FAT4: variants seen among roughly 807,000 people sequenced by gnomAD.
FAT4 encodes FAT atypical cadherin 4, also known as protocadherin Fat 4.
Under a neutral mutation model 303.9 loss-of-function variants are expected in FAT4, and 84 were observed. That is an observed-to-expected ratio of 0.28 (90% CI 0.23 to 0.33). The LOEUF (loss-of-function observed/expected upper bound fraction) is 0.33. Ranked by LOEUF, FAT4 falls within the 10% of genes least tolerant of loss-of-function variation. The pLI, the probability that FAT4 is intolerant of heterozygous loss-of-function variation, is 1.00. For synonymous variants in FAT4, 2,307 were observed against 2,298.8 expected (o/e 1.00, Z -0.10); for missense variants, 6,005 against 6,146.8 (o/e 0.98, Z 0.77).
At chr4:125,335,141 C>CCCTTCACTGACTTTT (rs1164782638) in intron 2 of FAT4, among the ~76,000 whole-genome samples, 1 of 152,038 alleles carries the variant, frequency 6.6e-6, no homozygotes, top group East Asian at 1.9e-4. Context: ...TAGAAGCTTG[C>CCCTTCACTGACTTTT]CAAAAACATG....
chr4:125,322,870 T>G (rs1731010462), intron 2 of FAT4, among the ~76,000 whole-genome samples: 2 of 152,064 alleles, frequency 1.3e-5, no homozygotes. Context: ...CAATTTTATC[T>G]TTACCTACAT....
chr4:125,489,080 T>C (rs1177356068), intron 17 of FAT4, among the ~76,000 whole-genome samples: 1 of 152,220 alleles, frequency 6.6e-6, no homozygotes, highest in African/African-American at 2.4e-5. Context: ...GACTAATAGA[T>C]TTAAGGCATA....
At chr4:125,357,741 T>C (rs1397569292) in intron 2 of FAT4, among the ~76,000 whole-genome samples, 1 of 152,124 alleles carries the variant, frequency 6.6e-6, no homozygotes, top group Non-Finnish European at 1.5e-5. Context: ...TTTGTGAATA[T>C]GTTTGAATCA....
chr4:125,432,721 T>C (rs1725322596), intron 7 of FAT4, among the ~76,000 whole-genome samples: 1 of 152,138 alleles, frequency 6.6e-6, no homozygotes, highest in African/African-American at 2.4e-5. Flanking sequence ...TCTGAAGTCA[T>C]AAACTTTATG....
chr4:125,413,242 G>A (rs1488444409), intron 5 of FAT4, among the ~76,000 whole-genome samples: 4 of 151,778 alleles, frequency 2.6e-5, no homozygotes, highest in African/African-American at 9.7e-5. Flanking sequence ...GAAATAAGCT[G>A]TTAACCTTGT....
chr4:125,463,524 G>A (rs1172777545), intron 10 of FAT4, 39 bp from the exon 11 acceptor site: 1 of 1,234,082 alleles, frequency 8.1e-7, no homozygotes, highest in South Asian at 1.4e-5. Flanking sequence ...ATATATTTAT[G>A]TATGAGATTT....
intron 10 of FAT4, among the ~76,000 whole-genome samples, chr4:125,463,332 A>G (rs1406434739): frequency 6.6e-6 from 1 of 152,032 alleles, no homozygotes; most frequent in Non-Finnish European, 1.5e-5. Context: ...TTCCAAGATG[A>G]TTATGTAAAT....
Position 125,448,834 on chromosome 4 carries a change from G to A in FAT4, c.7824G>A (p.Gly2608=). Residue 2608 remains glycine, a synonymous_variant, in exon 10 of 18, where the codon GGG becomes GGA. Transcript: ENST00000394329. The stretch of plus-strand genomic sequence containing the variant: ...CTATGTCATATTATATCGCAAGTGG[G>A]AATCTTGGCAATACTTTCCAGATTG... ...GEPMSYYIAS[G]NLGNTFQIDQ... The A allele has an allele frequency of 6.2e-7, 1 of 1,608,536 alleles. No individual in the cohort carries two copies. The highest frequency in any genetic ancestry group is 8.5e-7 in the Non-Finnish European group (1 of 1,179,654).
chr4:125,416,922 G>T (rs1339796919), intron 7 of FAT4, among the ~76,000 whole-genome samples: 1 of 152,110 alleles, frequency 6.6e-6, no homozygotes, highest in South Asian at 2.1e-4. Flanking sequence ...CTCCAGCCTG[G>T]GCAACAAGAA....
Position 125,450,665 on chromosome 4 carries a change from A to C in FAT4, c.9655A>C (p.Asn3219His), listed in dbSNP as rs2126059777. The C allele has an allele frequency of 6.2e-7, 1 of 1,614,054 alleles. No homozygotes were observed. Among genetic ancestry groups the C allele is most frequent in the Non-Finnish European group, 8.5e-7 (1 of 1,179,986 alleles). The change falls in exon 10 of 18, where the codon AAT (asparagine) becomes CAT (histidine). Residue 3219 changes from asparagine (N) to histidine (H), a missense_variant. Transcript: ENST00000394329. ...APSGTTVIHL[N>H]ATDADSGTNA... Reference sequence around the variant, plus strand: ...AAGTGGAACAACAGTTATCCACCTAAATGCAACAGATGCTGACTCTGGAAC... The same window carrying C: ...AAGTGGAACAACAGTTATCCACCTACATGCAACAGATGCTGACTCTGGAAC...
At chr4:125,424,557 A>C (rs1181839337) in intron 7 of FAT4, among the ~76,000 whole-genome samples, 3 of 152,160 alleles carry the variant, frequency 2.0e-5, no homozygotes, top group African/African-American at 7.2e-5. Flanking sequence ...TAACACAGTC[A>C]GTGAGACTAT....
intron 7 of FAT4, among the ~76,000 whole-genome samples, chr4:125,425,509 T>C (rs1725056816): frequency 6.6e-6 from 1 of 152,142 alleles, no homozygotes; most frequent in African/African-American, 2.4e-5. Context: ...TCTCTCTAAG[T>C]AAAATAGCTG....
intron 2 of FAT4, among the ~76,000 whole-genome samples, chr4:125,379,448 A>T (rs994044765): frequency 6.6e-6 from 1 of 151,966 alleles, no homozygotes; most frequent in Non-Finnish European, 1.5e-5. Flanking sequence ...TTAATAAAAG[A>T]CTTTTTATTT....
At chr4:125,348,171 G>A (rs1393872807) in intron 2 of FAT4, among the ~76,000 whole-genome samples, 3 of 151,744 alleles carry the variant, frequency 2.0e-5, no homozygotes, top group Non-Finnish European at 4.4e-5. Flanking sequence ...TAGTTATTGT[G>A]TGTCCTAATT....
intron 2 of FAT4, among the ~76,000 whole-genome samples, chr4:125,375,491 T>C (rs1338475327): frequency 6.6e-6 from 1 of 152,208 alleles, no homozygotes. Context: ...CTTGGCAAAC[T>C]ACTTGGATAC....
At chr4:125,393,111 T>TG (rs1734034925) in intron 2 of FAT4, among the ~76,000 whole-genome samples, 1 of 148,644 alleles carries the variant, frequency 6.7e-6, no homozygotes, top group Admixed American at 6.6e-5. Flanking sequence ...AATCCTACGG[T>TG]CTCCCAAAAG....
At chr4:125,462,245 AT>A (rs1726509030) in intron 10 of FAT4, among the ~76,000 whole-genome samples, 1 of 151,966 alleles carries the variant, frequency 6.6e-6, no homozygotes, top group South Asian at 2.1e-4. Context: ...TTTAAACAAA[AT>A]TTTGACTGTG....
chr4:125,362,452 G>A lies in FAT4; in HGVS notation c.5176-36332G>A, dbSNP rs376426898. On this transcript the variant is annotated intron_variant, in intron 2 of 17. Transcript: ENST00000394329. ...GAGTAGGTAATATTTTGAGAAGTTT[G>A]GTGGTATGATATTAGAAGAGAAATG... Among the ~76,000 whole-genome samples, 14 of 152,196 alleles carry A rather than the reference G, an allele frequency of 9.2e-5. No individual in the cohort carries two copies. In the East Asian group the frequency reaches 1.7e-3, roughly 19 times the overall value.
chr4:125,405,885 A>G (rs903731040), intron 3 of FAT4, among the ~76,000 whole-genome samples: 1 of 152,138 alleles, frequency 6.6e-6, no homozygotes, highest in African/African-American at 2.4e-5. Context: ...ACCAAACTTA[A>G]TAGCTATTAT....
Sources: gnomAD v4.1 joint callset for allele counts (sites outside exome capture counted in the v4.1 genomes callset) on GRCh38, gnomAD v4.1.1 for gene constraint, MANE v1.5 for transcripts, NCBI Gene and HGNC (gene_info 2026-07-23, HGNC 2026-07-21) for gene names.